Variants in OGG1 observed in about 807,000 individuals in gnomAD.
The protein encoded by OGG1 is N-glycosylase/DNA lyase.
OGG1 carries 35 observed loss-of-function variants against 42.3 expected under a neutral mutation model. The observed-to-expected ratio is 0.83, with a 90% confidence interval of 0.63 to 1.10. OGG1 has a LOEUF of 1.10. OGG1 is among the 50% of genes least tolerant of loss of function. OGG1 has a pLI of 0.00. For missense variants in OGG1, 484 were observed against 446.7 expected (o/e 1.08, Z -0.75); for synonymous variants, 189 against 179.0 (o/e 1.06, Z -0.44).
At chr3:9,784,279 C>T in intron 3 of OGG1, 2 of 1,534,348 alleles carry the variant, frequency 1.3e-6, no homozygotes, top group Admixed American at 4.0e-5. Flanking sequence ...CTTGGAGGTT[C>T]CCAGGGCTTC....
chr3:9,759,359 C>T (rs2077737664), downstream of OGG1: 2 of 1,542,384 alleles, frequency 1.3e-6, no homozygotes, highest in Non-Finnish European at 9.0e-7. Flanking sequence ...GAATGAAGTC[C>T]TTCAGTAAGG....
downstream of OGG1, chr3:9,761,466 G>A (rs754886145): frequency 3.1e-6 from 5 of 1,611,312 alleles, no homozygotes; most frequent in Non-Finnish European, 3.4e-6. Flanking sequence ...CTTACAAGAT[G>A]TAGGCGATGA....
chr3:9,756,349 G>A (rs1300522867), intron 4 of OGG1, 122 bp from the exon 5 acceptor site: 2 of 944,514 alleles, frequency 2.1e-6, no homozygotes, highest in East Asian at 2.5e-5. Flanking sequence ...TCTGTTGATT[G>A]AGAATATAGA....
Position 9,754,727 on chromosome 3 carries a change from A to T in OGG1, c.589A>T (p.Arg197Trp), listed in dbSNP as rs139716494. The stretch of plus-strand genomic sequence containing the variant: ...AGGGCCAGAGGTGGAGGCTCATCTC[A>T]GGAAGCTGGGCCTGGGCTATCGTGC... ...LAGPEVEAHL[R>W]KLGLGYRARY... Residue 197 changes from arginine to tryptophan, a missense_variant, in exon 4 of 7, where the codon AGG becomes TGG. By Grantham distance (101) the Arg-to-Trp change is moderately radical (BLOSUM62 -3). Coordinates refer to ENST00000344629, the MANE Select transcript of OGG1 (RefSeq NM_002542.6). 2.4e-4 allele frequency: 386 copies of T among 1,614,036 alleles called. No homozygotes were observed. Among genetic ancestry groups the T allele is most frequent in the Non-Finnish European group, 3.2e-4 (375 of 1,180,032 alleles).
intron 3 of OGG1, chr3:9,786,913 C>T: frequency 1.6e-6 from 2 of 1,221,908 alleles, no homozygotes; most frequent in South Asian, 2.7e-5. Context: ...TTGCACCAAC[C>T]TAATAAATGT....
intron 2 of OGG1, among the ~76,000 whole-genome samples, chr3:9,776,032 G>A (rs13433862): frequency 0.014 from 2,186 of 152,256 alleles, 55 homozygotes; most frequent in African/African-American, 0.05. Context: ...GCAGTCCAGG[G>A]ACCACACTTG....
intron 7 of OGG1, among the ~76,000 whole-genome samples, chr3:9,764,096 C>T (rs893644071): frequency 9.9e-5 from 15 of 152,194 alleles, no homozygotes; most frequent in African/African-American, 3.4e-4. Flanking sequence ...ACTGTTCCTC[C>T]AGCACCTGGT....
chr3:9,767,817 C>G, downstream of OGG1: 1 of 1,592,286 alleles, frequency 6.3e-7, no homozygotes, highest in South Asian at 1.1e-5. Flanking sequence ...CTCAGCAGAG[C>G]CCAGCCCTCT....
chr3:9,777,360 G>A (rs368145285), intron 2 of OGG1, among the ~76,000 whole-genome samples: 3 of 152,294 alleles, frequency 2.0e-5, no homozygotes, highest in African/African-American at 7.2e-5. Context: ...CATAAAGGAG[G>A]CATCTTTTGG....
chr3:9,772,986 G>T (rs2078320078), intron 2 of OGG1, among the ~76,000 whole-genome samples: 1 of 152,216 alleles, frequency 6.6e-6, no homozygotes, highest in Non-Finnish European at 1.5e-5. Flanking sequence ...GGCCAGGCGT[G>T]GGGAGGCCAA....
chr3:9,751,689 C>T (rs766671236), intron 2 of OGG1, 81 bp from the exon 3 acceptor site: 7 of 1,337,768 alleles, frequency 5.2e-6, no homozygotes, highest in Non-Finnish European at 7.5e-6. Flanking sequence ...AGTTTTGGTA[C>T]CTAGGATCTG....
At chr3:9,772,661 G>C (rs1575278092) in intron 2 of OGG1, among the ~76,000 whole-genome samples, 1 of 152,174 alleles carries the variant, frequency 6.6e-6, no homozygotes, top group African/African-American at 2.4e-5. Flanking sequence ...CTCTGCTTGA[G>C]TGATAGAGTG....
intron 3 of OGG1, among the ~76,000 whole-genome samples, chr3:9,784,495 A>G (rs1575298196): frequency 6.6e-6 from 1 of 152,238 alleles, no homozygotes; most frequent in Non-Finnish European, 1.5e-5. Context: ...TATATTCCAG[A>G]TTTTGTTATA....
At position 9,756,503 on chromosome 3, in the gene OGG1, CA is replaced by C. The variant is rs1450727545; in HGVS notation, c.782del (p.Lys261SerfsTer145). ...ADCICLMALD[K>X]PQAVPVDVHM... is the part of the protein sequence containing the mutation. ...ACTGCATCTGCCTGATGGCCCTAGA[CA>C]AGCCCCAGGCTGTGCCCGTGGATGT... On this transcript the variant is annotated frameshift_variant, in exon 5 of 7. Coordinates refer to ENST00000344629, the MANE Select transcript of OGG1 (RefSeq NM_002542.6). LOFTEE classifies it high-confidence loss of function. 6 of 1,614,044 alleles carry C rather than the reference CA, an allele frequency of 3.7e-6. No individual in the cohort carries two copies. The highest frequency in any genetic ancestry group is 5.1e-6 in the Non-Finnish European group (6 of 1,180,028).
chr3:9,779,448 T>G (rs2078410858), intron 2 of OGG1, among the ~76,000 whole-genome samples: 1 of 151,606 alleles, frequency 6.6e-6, no homozygotes, highest in Non-Finnish European at 1.5e-5. Flanking sequence ...AGAGAAGGAC[T>G]CACCTTAGGC....
downstream of OGG1, chr3:9,759,149 A>G: frequency 6.7e-7 from 1 of 1,503,288 alleles, no homozygotes. Flanking sequence ...TATAGACATT[A>G]TTCCGCTATG....
At chr3:9,754,672 C>T (rs1373925619) in intron 3 of OGG1, 32 bp from the exon 4 acceptor site, 1 of 1,610,828 alleles carries the variant, frequency 6.2e-7, no homozygotes, top group East Asian at 2.2e-5. Flanking sequence ...TTGAAGATGC[C>T]TGATGCTTGC....
intron 2 of OGG1, among the ~76,000 whole-genome samples, chr3:9,778,880 GTATAC>G: frequency 6.6e-6 from 1 of 152,180 alleles, no homozygotes; most frequent in African/African-American, 2.4e-5. Context: ...GAGGTGCTGG[GTATAC>G]GAGAATGTTG....
intron 3 of OGG1, chr3:9,787,048 G>A: frequency 6.2e-7 from 1 of 1,614,234 alleles, no homozygotes; most frequent in Non-Finnish European, 8.5e-7. Context: ...GGGCACCAAA[G>A]GGGCATCCAT....
Sources: allele counts gnomAD v4.1 joint callset (sites outside exome capture counted in the v4.1 genomes callset), GRCh38; gene constraint gnomAD v4.1.1; transcripts MANE v1.5; gene names NCBI Gene and HGNC (gene_info 2026-07-23, HGNC 2026-07-21).